Variants in SDK1 observed in about 807,000 individuals in gnomAD.
SDK1 encodes the protein protein sidekick-1.
In SDK1, 157 loss-of-function variants were observed where a neutral mutation model predicts 245.5. That is an observed-to-expected ratio of 0.64 (90% CI 0.56 to 0.73). The LOEUF (loss-of-function observed/expected upper bound fraction) is 0.73. Among genes scored for constraint, SDK1 ranks in the 30% least tolerant of loss-of-function variants. SDK1 has a pLI of 0.00. For missense variants in SDK1, 3,583 were observed against 3,002.3 expected, an observed-to-expected ratio of 1.19 and a Z score of -4.52; for synonymous variants, 1,647 against 1,278.5, an observed-to-expected ratio of 1.29 and a Z score of -6.15.
intron 4 of SDK1, among the ~76,000 whole-genome samples, chr7:3,744,498 G>T (rs762915517): frequency 6.6e-6 from 1 of 151,970 alleles, no homozygotes; most frequent in Non-Finnish European, 1.5e-5. Context: ...AAAAAGAAAA[G>T]ACACAAAAGA....
At chr7:3,598,982 C>T (rs1048286846) in intron 1 of SDK1, among the ~76,000 whole-genome samples, 2 of 151,490 alleles carry the variant, frequency 1.3e-5, no homozygotes, top group East Asian at 1.9e-4. Flanking sequence ...AGAACAGTTG[C>T]TGGGTTGCAT....
chr7:3,939,986 C>G (rs766708518), intron 5 of SDK1, among the ~76,000 whole-genome samples: 6 of 152,224 alleles, frequency 3.9e-5, no homozygotes, highest in Non-Finnish European at 7.3e-5. Flanking sequence ...CCTTGAGACG[C>G]GTAGGCAATG....
chr7:3,452,052 C>G (rs1399473931), intron 1 of SDK1, among the ~76,000 whole-genome samples: 3 of 152,206 alleles, frequency 2.0e-5, no homozygotes, highest in Non-Finnish European at 4.4e-5. Context: ...AGATAGAGAA[C>G]TAAATTTGTA....
intron 19 of SDK1, among the ~76,000 whole-genome samples, chr7:4,065,819 A>G (rs1779862563): frequency 6.6e-6 from 1 of 150,830 alleles, no homozygotes; most frequent in African/African-American, 2.4e-5. Flanking sequence ...ATTCACCCTA[A>G]AAATCTAATG....
At chr7:3,568,071 T>TG (rs1779984651) in intron 1 of SDK1, among the ~76,000 whole-genome samples, 1 of 152,190 alleles carries the variant, frequency 6.6e-6, no homozygotes, top group East Asian at 1.9e-4. Context: ...TCCTCCCACC[T>TG]TAGCCTCACA....
At chr7:3,443,637 A>G (rs570891803) in intron 1 of SDK1, among the ~76,000 whole-genome samples, 3 of 152,334 alleles carry the variant, frequency 2.0e-5, no homozygotes, top group Admixed American at 6.5e-5. Flanking sequence ...GAGCCACACT[A>G]GCCTCCATGC....
chr7:3,645,379 T>G (rs1032921014), intron 4 of SDK1, among the ~76,000 whole-genome samples: 1 of 152,168 alleles, frequency 6.6e-6, no homozygotes, highest in Admixed American at 6.5e-5. Context: ...GGCCCTTTAG[T>G]TTCGTATTTT....
At chr7:4,010,702 T>C (rs377477720) in intron 14 of SDK1, among the ~76,000 whole-genome samples, 29 of 152,344 alleles carry the variant, frequency 1.9e-4, no homozygotes, top group African/African-American at 6.2e-4. Context: ...TGGTTCCTTT[T>C]AAACCGCCGT....
chr7:3,308,882 G>A (rs1779483728), intron 1 of SDK1, among the ~76,000 whole-genome samples: 1 of 152,040 alleles, frequency 6.6e-6, no homozygotes, highest in South Asian at 2.1e-4. Flanking sequence ...TCTTTCCAAT[G>A]AGAAAAAAAT....
intron 13 of SDK1, among the ~76,000 whole-genome samples, chr7:3,977,509 C>A (rs1418679676): frequency 6.6e-6 from 1 of 152,246 alleles, no homozygotes; most frequent in African/African-American, 2.4e-5. Flanking sequence ...GCCTACGACC[C>A]TGGGTTCTTT....
chr7:3,596,043 G>T (rs1174399345), intron 1 of SDK1, among the ~76,000 whole-genome samples: 1 of 150,778 alleles, frequency 6.6e-6, no homozygotes, highest in Admixed American at 6.6e-5. Flanking sequence ...TTCCTCCTTG[G>T]TATGAAGTAG....
intron 4 of SDK1, among the ~76,000 whole-genome samples, chr7:3,818,270 G>C (rs1414822382): frequency 6.6e-6 from 1 of 152,168 alleles, no homozygotes; most frequent in Non-Finnish European, 1.5e-5. Context: ...TGAAGTCAGT[G>C]TAAGTTTTAA....
chr7:3,690,279 A>G (rs982755885), intron 4 of SDK1, among the ~76,000 whole-genome samples: 1 of 152,172 alleles, frequency 6.6e-6, no homozygotes, highest in Non-Finnish European at 1.5e-5. Context: ...ATGACAGGTT[A>G]TACTTCTGTC....
At chr7:3,581,650 A>G (rs1780500807) in intron 1 of SDK1, among the ~76,000 whole-genome samples, 1 of 152,228 alleles carries the variant, frequency 6.6e-6, no homozygotes, top group South Asian at 2.1e-4. Context: ...TAATGGGTAT[A>G]TACCCAAAGG....
At chr7:4,186,011 G>T (rs1171299592) in intron 35 of SDK1, among the ~76,000 whole-genome samples, 6 of 152,264 alleles carry the variant, frequency 3.9e-5, no homozygotes. Context: ...CCTAAAGCAA[G>T]GCTTCCTGTC....
intron 44 of SDK1, among the ~76,000 whole-genome samples, chr7:4,261,736 C>G (rs762039863): frequency 6.6e-6 from 1 of 152,178 alleles, no homozygotes; most frequent in Non-Finnish European, 1.5e-5. Context: ...TACCCCCTCC[C>G]CAGTTCCCTT....
At chr7:4,240,136 A>G (rs1272905121) in intron 42 of SDK1, among the ~76,000 whole-genome samples, 5 of 152,094 alleles carry the variant, frequency 3.3e-5, no homozygotes, top group East Asian at 3.9e-4. Context: ...TCCTGAGTTA[A>G]TGCTATTACA....
At chr7:3,499,342 A>G (rs576679185) in intron 1 of SDK1, among the ~76,000 whole-genome samples, 4 of 152,088 alleles carry the variant, frequency 2.6e-5, no homozygotes, top group South Asian at 4.1e-4. Context: ...CCATTCCTTA[A>G]TGACTTAGCC....
rs1430159009 is a variant in SDK1, at chr7:3,301,727, G to A, written c.141G>A (p.Glu47=). 6.1e-6 allele frequency: 6 copies of A among 977,394 alleles called. No homozygotes were observed. Among genetic ancestry groups the A allele is most frequent in the East Asian group, 2.3e-4 (2 of 8,564 alleles). The allele number at this position is 977,394 out of a possible 1,614,324, so 60.5% of individuals were successfully genotyped here. A position where few individuals can be genotyped will look rare whatever the true frequency, so the allele number is the denominator to read the frequency against. ...RPSLAPRPGP[E]PSRPRAAPET... is the part of the protein sequence containing the mutation. ...CGCTGGCGCCGCGCCCCGGCCCGGA[G>A]CCCTCGCGACCCCGGGCGGCGCCCG... Residue 47 remains glutamate (E), a synonymous_variant, in exon 1 of 45, where the codon GAG becomes GAA. Coordinates refer to ENST00000404826, the MANE Select transcript of SDK1 (RefSeq NM_152744.4).
Sources: allele counts gnomAD v4.1 joint callset (sites outside exome capture counted in the v4.1 genomes callset), GRCh38; gene constraint gnomAD v4.1.1; transcripts MANE v1.5; gene names NCBI Gene and HGNC (gene_info 2026-07-23, HGNC 2026-07-21).